PHLPP1: variants seen among roughly 807,000 people sequenced by gnomAD.
PHLPP1 encodes PH domain and leucine rich repeat protein phosphatase 1, also known as PH domain leucine-rich repeat-containing protein phosphatase 1.
PHLPP1 carries 42 observed loss-of-function variants against 117.2 expected under a neutral mutation model. The ratio of observed to expected loss-of-function variants is 0.36; its 90% CI spans 0.28 to 0.46. The LOEUF (loss-of-function observed/expected upper bound fraction) is 0.46, where lower values mean the gene tolerates loss of function less well. PHLPP1 is among the 20% of genes least tolerant of loss of function. PHLPP1 has a pLI of 1.00. For missense variants in PHLPP1, 2,084 were observed against 2,241.9 expected (o/e 0.93, Z 1.42); for synonymous variants, 1,042 against 970.7 (o/e 1.07, Z -1.37).
At chr18:62,836,476 TAAATAAATAA>T (rs1568132874) in intron 2 of PHLPP1, among the ~76,000 whole-genome samples, 6 of 110,610 alleles carry the variant, frequency 5.4e-5, no homozygotes, top group African/African-American at 1.1e-4. Flanking sequence ...AATAAATAAA[TAAATAAATAA>T]AAATAAATTA....
chr18:62,931,361 A>G (rs1568165322), intron 10 of PHLPP1, among the ~76,000 whole-genome samples: 1 of 152,174 alleles, frequency 6.6e-6, no homozygotes, highest in Non-Finnish European at 1.5e-5. Flanking sequence ...GAATGTTTAT[A>G]CCACTAAGTG....
chr18:62,906,255 C>T (rs588711), intron 8 of PHLPP1: 69,813 of 152,138 alleles, frequency 0.46, 16,279 homozygotes, highest in Middle Eastern at 0.57. Context: ...TGTGTCAGTA[C>T]TTAGCTATTG....
chr18:62,781,063 G>T (rs1050338039), intron 1 of PHLPP1, among the ~76,000 whole-genome samples: 2 of 152,150 alleles, frequency 1.3e-5, no homozygotes, highest in Non-Finnish European at 2.9e-5. Context: ...AAAGGCCTTG[G>T]CTCAAAGGTT....
At chr18:62,863,291 C>T (rs1350369968) in intron 4 of PHLPP1, among the ~76,000 whole-genome samples, 1 of 152,052 alleles carries the variant, frequency 6.6e-6, no homozygotes, top group African/African-American at 2.4e-5. Flanking sequence ...ACCTTCGCCT[C>T]CCGTGCTCAA....
intron 4 of PHLPP1, among the ~76,000 whole-genome samples, chr18:62,880,504 A>T (rs1916149726): frequency 6.7e-6 from 1 of 150,354 alleles, no homozygotes; most frequent in Non-Finnish European, 1.5e-5. Flanking sequence ...TTTTTAAGGA[A>T]TTTTTTTGTT....
At chr18:62,779,075 A>G (rs1000470063) in intron 1 of PHLPP1, among the ~76,000 whole-genome samples, 29 of 152,134 alleles carry the variant, frequency 1.9e-4, no homozygotes, top group African/African-American at 5.1e-4. Context: ...GGGGTTTCCC[A>G]TTGCACTTAG....
In PHLPP1 at chr18:62,914,892, CT is replaced by C. The variant is rs1315928563; in HGVS notation, c.2709-17del. Reference sequence around the variant, plus strand: ...ATTTGAGGACAAATTCAACCAATTACTTTTATGTTCTTGCATTTAGGAACCG... The same window carrying C: ...ATTTGAGGACAAATTCAACCAATTACTTTATGTTCTTGCATTTAGGAACCG... On this transcript the variant is annotated intron_variant, in intron 8 of 16. Transcript: ENST00000262719. The C allele has an allele frequency of 3.2e-6, 5 of 1,573,044 alleles. No individual in the cohort carries two copies. The East Asian group carries it at 1.1e-4, about 35-fold the overall frequency.
chr18:62,924,027 C>A (rs1909551830), intron 10 of PHLPP1, among the ~76,000 whole-genome samples: 1 of 152,138 alleles, frequency 6.6e-6, no homozygotes, highest in East Asian at 1.9e-4. Flanking sequence ...AGCTTACAAT[C>A]GAATGAAGAG....
intron 4 of PHLPP1, among the ~76,000 whole-genome samples, chr18:62,869,031 G>A (rs1915834983): frequency 6.6e-6 from 1 of 152,202 alleles, no homozygotes; most frequent in African/African-American, 2.4e-5. Context: ...GAATACTCAA[G>A]CTGTATGTAT....
chr18:62,756,906 G>A (rs1464502252), intron 1 of PHLPP1, among the ~76,000 whole-genome samples: 1 of 152,198 alleles, frequency 6.6e-6, no homozygotes, highest in East Asian at 1.9e-4. Flanking sequence ...TGATCAAGAA[G>A]AGAAGTGTAG....
At chr18:62,912,568 T>C (rs1300939599) in intron 8 of PHLPP1, among the ~76,000 whole-genome samples, 1 of 151,690 alleles carries the variant, frequency 6.6e-6, no homozygotes, top group African/African-American at 2.4e-5. Context: ...AGGAAGAGTA[T>C]AGGAATGGGA....
Position 62,898,775 on chromosome 18 carries a change from G to GT in PHLPP1, c.2444+2772dup, listed in dbSNP as rs141714034. The stretch of plus-strand genomic sequence containing the variant: ...TTCTTGCTGTACAGGGAATCAACTA[G>GT]TTTTTTTTATTTTGTTTTATTTATT... On this transcript the variant is annotated intron_variant, in intron 6 of 16. Transcript: ENST00000262719. Among the ~76,000 whole-genome samples the GT allele has an allele frequency of 3.7e-3, 560 of 151,842 alleles. 12 individuals carry two copies. Among genetic ancestry groups the GT allele is most frequent in the Admixed American group, 0.031 (469 of 15,224 alleles).
intron 3 of PHLPP1, among the ~76,000 whole-genome samples, chr18:62,854,946 C>T (rs1436853976): frequency 6.6e-6 from 1 of 152,122 alleles, no homozygotes; most frequent in Non-Finnish European, 1.5e-5. Flanking sequence ...ATCCACCCAC[C>T]TCGGCCTCCC....
intron 14 of PHLPP1, among the ~76,000 whole-genome samples, chr18:62,967,644 G>A (rs1177295478): frequency 1.3e-5 from 2 of 151,432 alleles, no homozygotes; most frequent in African/African-American, 2.4e-5. Flanking sequence ...TGAAATCTTA[G>A]TTTTTATAAT....
chr18:62,732,164 T>C (rs897381341), intron 1 of PHLPP1, among the ~76,000 whole-genome samples: 1 of 151,966 alleles, frequency 6.6e-6, no homozygotes, highest in African/African-American at 2.4e-5. Context: ...CAGCCTTCTA[T>C]TGGCAGAAGA....
chr18:62,807,157 CA>C (rs2144307324), intron 1 of PHLPP1, among the ~76,000 whole-genome samples: 1 of 152,048 alleles, frequency 6.6e-6, no homozygotes, highest in Admixed American at 6.6e-5. Flanking sequence ...TATGTGACCA[CA>C]AGATAATTTT....
intron 10 of PHLPP1, among the ~76,000 whole-genome samples, chr18:62,936,802 AAGG>A (rs1490433157): frequency 6.6e-6 from 1 of 152,240 alleles, no homozygotes; most frequent in Non-Finnish European, 1.5e-5. Flanking sequence ...TTGGAGAAGA[AAGG>A]AGGACTGATA....
At chr18:62,960,989 C>CT (rs1265032668) in intron 13 of PHLPP1, among the ~76,000 whole-genome samples, 1 of 152,086 alleles carries the variant, frequency 6.6e-6, no homozygotes, top group Non-Finnish European at 1.5e-5. Context: ...TCACAGAACT[C>CT]TGACTCATTT....
chr18:62,859,516 G>A (rs1261109091), intron 3 of PHLPP1, among the ~76,000 whole-genome samples: 1 of 152,144 alleles, frequency 6.6e-6, no homozygotes, highest in African/African-American at 2.4e-5. Context: ...ACTGAAACTG[G>A]GAGAGGCAGC....
Sources: allele counts gnomAD v4.1 joint callset (sites outside exome capture counted in the v4.1 genomes callset), GRCh38; gene constraint gnomAD v4.1.1; transcripts MANE v1.5; gene names NCBI Gene and HGNC (gene_info 2026-07-23, HGNC 2026-07-21).